EPN2: variants seen among roughly 807,000 people sequenced by gnomAD.
EPN2 encodes the protein epsin-2.
Under a neutral mutation model 61.7 loss-of-function variants are expected in EPN2, and 34 were observed. The observed-to-expected ratio is 0.55, with a 90% CI of 0.42 to 0.73. EPN2 has a LOEUF of 0.73. Ranked by LOEUF, EPN2 falls within the 30% of genes least tolerant of loss-of-function variation. The probability of loss-of-function intolerance (pLI) is 0.00; values close to 1 mark genes in which losing one functional copy is unlikely to be tolerated. For synonymous variants in EPN2, 349 were observed against 353.6 expected, an observed-to-expected ratio of 0.99 and a Z score of 0.15; for missense variants, 714 against 839.2, an observed-to-expected ratio of 0.85 and a Z score of 1.84.
intron 4 of EPN2, among the ~76,000 whole-genome samples, chr17:19,291,557 C>T (rs1235186863): frequency 6.6e-6 from 1 of 151,234 alleles, no homozygotes; most frequent in Non-Finnish European, 1.5e-5. Flanking sequence ...CCTGCCTCAG[C>T]CTCCTGAGTA....
chr17:19,270,211 A>T (rs2045239699), intron 1 of EPN2, among the ~76,000 whole-genome samples: 1 of 152,244 alleles, frequency 6.6e-6, no homozygotes, highest in African/African-American at 2.4e-5. Context: ...TGACCTGCTC[A>T]GTTAGTATTC....
intron 4 of EPN2, among the ~76,000 whole-genome samples, chr17:19,287,965 A>G (rs1158759017): frequency 1.3e-5 from 2 of 152,100 alleles, no homozygotes; most frequent in Non-Finnish European, 2.9e-5. Context: ...CATGGCCTCA[A>G]TTCAGTGCCA....
chr17:19,312,587 G>A (rs1041981693), intron 6 of EPN2, among the ~76,000 whole-genome samples: 1 of 152,198 alleles, frequency 6.6e-6, no homozygotes, highest in Non-Finnish European at 1.5e-5. Context: ...ATCCAGTCAA[G>A]ACCCAGACCC....
Position 19,283,530 on chromosome 17 carries a change from G to A in EPN2, c.411G>A (p.Glu137=). ...AACTGGTGGCTCTCCTCAAGGACGA[G>A]GAACGGTTGAAGGCTGAGAGGGCCC... ...SKQLVALLKD[E]ERLKAERAQA... is the part of the protein sequence containing the mutation. Residue 137 remains glutamate (E), a synonymous_variant, in exon 3 of 11, where the codon GAG becomes GAA. Transcript: ENST00000314728. This position sits in a 1 kb window ranked among gnomAD's most constrained non-coding sequence, Gnocchi z 7.0. 1 of 1,614,248 alleles carries A rather than the reference G, an allele frequency of 6.2e-7. No individual in the cohort carries two copies. Among genetic ancestry groups the A allele is most frequent in the Non-Finnish European group, 8.5e-7 (1 of 1,180,046 alleles).
Position 19,335,049 on chromosome 17 carries a change from C to CG in EPN2, c.*795_*796insG, listed in dbSNP as rs1467578444. 5.8e-6 allele frequency: 1 copy of CG among 172,864 alleles called. No individual in the cohort carries two copies. The highest frequency in any genetic ancestry group is 1.2e-5 in the Non-Finnish European group (1 of 81,782). The allele number at this position is 172,864 out of a possible 1,614,324, so 10.7% of individuals were successfully genotyped here. A position where few individuals can be genotyped will look rare whatever the true frequency, so the allele number is the denominator to read the frequency against. On this transcript the variant is annotated 3_prime_UTR_variant, in exon 11 of 11. Coordinates refer to ENST00000314728, the MANE Select transcript of EPN2 (RefSeq NM_014964.5). Reference sequence around the variant, plus strand: ...AATCCTCTTATTTATGGTTTTAACTCTAAGAAAATTTTAAAAGGAAGAGAT... The same window carrying CG: ...AATCCTCTTATTTATGGTTTTAACTCGTAAGAAAATTTTAAAAGGAAGAGAT...
intron 4 of EPN2, among the ~76,000 whole-genome samples, chr17:19,289,832 A>G (rs1411325452): frequency 1.4e-5 from 2 of 148,026 alleles, no homozygotes; most frequent in African/African-American, 5.0e-5. Flanking sequence ...GCTTCAAGCT[A>G]TTCTTCCTCA....
intron 4 of EPN2, among the ~76,000 whole-genome samples, chr17:19,303,159 T>G (rs1038678490): frequency 2.6e-5 from 4 of 152,188 alleles, no homozygotes. Flanking sequence ...TATTTAAGAA[T>G]AAGTTGTGGG....
chr17:19,293,390 GAC>G (rs2045483969), intron 4 of EPN2, among the ~76,000 whole-genome samples: 2 of 144,794 alleles, frequency 1.4e-5, no homozygotes, highest in African/African-American at 2.6e-5. Context: ...AAAAAAAAAA[GAC>G]AGGGTCTTGC....
rs746121657 is a variant in EPN2, at chr17:19,295,373, T to TGTGCGC, written c.766+9584_766+9585insTGCGCG. 7.7e-4 allele frequency among the ~76,000 whole-genome samples: 111 copies of TGTGCGC among 144,326 alleles called. 1 individual carries two copies. The East Asian group carries it at 0.022, about 28-fold the overall frequency. The allele number at this position is 144,326 out of a possible 152,430, so 94.7% of individuals were successfully genotyped here. A position where few individuals can be genotyped will look rare whatever the true frequency, so the allele number is the denominator to read the frequency against. On this transcript the variant is annotated intron_variant, in intron 4 of 10. Coordinates refer to ENST00000314728, the MANE Select transcript of EPN2 (RefSeq NM_014964.5). The stretch of plus-strand genomic sequence containing the variant: ...ACACACACACACACACACACGCGCG[T>TGTGCGC]GCGCGCAAAATAGCCAGGTGTAGTG...
chr17:19,252,765 C>T (rs2045028372), intron 1 of EPN2, among the ~76,000 whole-genome samples: 1 of 152,224 alleles, frequency 6.6e-6, no homozygotes, highest in Non-Finnish European at 1.5e-5. Flanking sequence ...TCTCTGCTCA[C>T]CGCAACCTCC....
At position 19,237,473 on chromosome 17, in the gene EPN2, C is replaced by A. The variant is rs993753573; in HGVS notation, c.-352C>A. Reference sequence around the variant, plus strand: ...GCTCCGCGGGCTACGGTCGCTCCCGCCTCTCGAGCGCTGCCGGTGGCCGCA... The same window carrying A: ...GCTCCGCGGGCTACGGTCGCTCCCGACTCTCGAGCGCTGCCGGTGGCCGCA... On this transcript the variant is annotated 5_prime_UTR_variant, in exon 1 of 11. Transcript: ENST00000314728. 6.6e-6 allele frequency: 1 copy of A among 152,378 alleles called. No homozygotes were observed. The highest frequency in any genetic ancestry group is 2.4e-5 in the African/African-American group (1 of 41,442). 9.4% of individuals were successfully genotyped at this position (152,378 alleles called of 1,614,324 possible). A position where few individuals can be genotyped will look rare whatever the true frequency, so the allele number is the denominator to read the frequency against.
At chr17:19,265,713 C>T (rs923543294) in intron 1 of EPN2, among the ~76,000 whole-genome samples, 2 of 152,216 alleles carry the variant, frequency 1.3e-5, no homozygotes, top group African/African-American at 4.8e-5. Context: ...CAGTGCCCCT[C>T]CTGTGCCCTG....
chr17:19,267,568 A>G (rs1468202925), intron 1 of EPN2, among the ~76,000 whole-genome samples: 1 of 151,274 alleles, frequency 6.6e-6, no homozygotes, highest in Non-Finnish European at 1.5e-5. Context: ...AAAAAGACAG[A>G]GTTCCACTCT....
intron 5 of EPN2, among the ~76,000 whole-genome samples, chr17:19,310,571 C>CTTTTTTTTTTTTTTTTTTTTTT (rs71155391): frequency 1.2e-5 from 1 of 80,912 alleles, no homozygotes; most frequent in Non-Finnish European, 2.2e-5. Flanking sequence ...CTCCTTCTTT[C>CTTTTTTTTTTTTTTTTTTTTTT]TTTTTTTTTT....
At chr17:19,310,044 G>A in intron 5 of EPN2, 47 bp downstream of exon 5, 3 of 1,370,384 alleles carry the variant, frequency 2.2e-6, no homozygotes, top group Non-Finnish European at 3.1e-6. Context: ...CCCATGCTCA[G>A]GGTGGAGTGT....
chr17:19,249,121 C>T (rs895889154), intron 1 of EPN2, among the ~76,000 whole-genome samples: 1 of 152,196 alleles, frequency 6.6e-6, no homozygotes, highest in Non-Finnish European at 1.5e-5. Flanking sequence ...GTGGTTTTCA[C>T]GTAGCCTTTT....
intron 1 of EPN2, among the ~76,000 whole-genome samples, chr17:19,256,892 C>T (rs1383740290): frequency 6.6e-6 from 1 of 152,154 alleles, no homozygotes; most frequent in Non-Finnish European, 1.5e-5. Flanking sequence ...ATAAAGAGAA[C>T]ATTTAAAACA....
At position 19,283,460 on chromosome 17, in the gene EPN2, G is replaced by A. The variant is rs774000263; in HGVS notation, c.341G>A (p.Arg114Gln). The change falls in exon 3 of 11, where the codon CGA (arginine) becomes CAA (glutamine). Residue 114 changes from arginine (R) to glutamine (Q), a missense_variant. By Grantham distance (43) the Arg-to-Gln change is conservative. Transcript: ENST00000314728. The surrounding 1 kb of genome is among the most constrained non-coding windows in gnomAD (Gnocchi z 7.0). ...CTGAAGGACTTCCAGTACATTGACC[G>A]AGATGGCAAGGACCAGGGCATCAAT... ...QTLKDFQYID[R>Q]DGKDQGINVR... 1 of 1,614,222 alleles carries A rather than the reference G, an allele frequency of 6.2e-7. No homozygotes were observed. The highest frequency in any genetic ancestry group is 1.1e-5 in the South Asian group (1 of 91,084).
At chr17:19,238,533 T>TA (rs1051942216) in intron 1 of EPN2, among the ~76,000 whole-genome samples, 5 of 152,162 alleles carry the variant, frequency 3.3e-5, no homozygotes, top group Admixed American at 2.0e-4. Context: ...GGGACGTATC[T>TA]AAAATCTGTG....
Sources: allele counts gnomAD v4.1 joint callset (sites outside exome capture counted in the v4.1 genomes callset), GRCh38; gene constraint gnomAD v4.1.1; non-coding constraint Gnocchi (gnomAD v3.1); transcripts MANE v1.5; gene names NCBI Gene and HGNC (gene_info 2026-07-23, HGNC 2026-07-21).